ALCAM: variants seen among roughly 807,000 people sequenced by gnomAD.
ALCAM encodes activated leukocyte cell adhesion molecule.
ALCAM carries 30 observed loss-of-function variants against 70.9 expected under a neutral mutation model. That is an observed-to-expected ratio of 0.42 (90% CI 0.32 to 0.57). The LOEUF (loss-of-function observed/expected upper bound fraction) is 0.57. Among genes scored for constraint, ALCAM ranks in the 20% least tolerant of loss-of-function variants. The probability of loss-of-function intolerance (pLI) is 0.11; values close to 1 mark genes in which losing one functional copy is unlikely to be tolerated. For missense variants in ALCAM, 591 were observed against 695.1 expected (o/e 0.85, Z 1.68); for synonymous variants, 249 against 242.5 (o/e 1.03, Z -0.25).
intron 14 of ALCAM, among the ~76,000 whole-genome samples, chr3:105,555,720 T>G (rs1347802735): frequency 1.3e-5 from 2 of 149,574 alleles, no homozygotes; most frequent in East Asian, 1.9e-4. Flanking sequence ...CTTATTCCAC[T>G]AATAGAAGCT....
At chr3:105,491,082 G>A (rs996099337) in intron 1 of ALCAM, among the ~76,000 whole-genome samples, 20 of 152,128 alleles carry the variant, frequency 1.3e-4, no homozygotes, top group African/African-American at 4.6e-4. Flanking sequence ...CAAACCTCAC[G>A]TCTTGACTTC....
intron 1 of ALCAM, among the ~76,000 whole-genome samples, chr3:105,374,515 TGTTTTTG>T (rs1222613539): frequency 7.2e-5 from 11 of 152,144 alleles, no homozygotes; most frequent in Admixed American, 5.2e-4. Flanking sequence ...GCTTGTTTTT[TGTTTTTG>T]TTTTTGTTTT....
chr3:105,483,453 T>G (rs114415651), intron 1 of ALCAM, among the ~76,000 whole-genome samples: 2,368 of 152,146 alleles, frequency 0.016, 25 homozygotes, highest in Middle Eastern at 0.048. Context: ...GTGCCCAATT[T>G]TGTTGCTTGT....
intron 1 of ALCAM, among the ~76,000 whole-genome samples, chr3:105,371,069 T>G (rs1382555584): frequency 6.6e-6 from 1 of 152,194 alleles, no homozygotes; most frequent in African/African-American, 2.4e-5. Context: ...TATCTTGTCT[T>G]ACCAGATTCC....
chr3:105,486,645 G>T (rs913232994), intron 1 of ALCAM, among the ~76,000 whole-genome samples: 9 of 151,928 alleles, frequency 5.9e-5, no homozygotes, highest in Non-Finnish European at 1.2e-4. Flanking sequence ...AATTACACTG[G>T]TTTTTTACTA....
chr3:105,509,953 C>T (rs770400487), intron 1 of ALCAM, among the ~76,000 whole-genome samples: 55 of 151,926 alleles, frequency 3.6e-4, no homozygotes, highest in Non-Finnish European at 6.2e-4. Context: ...GGGATTTTTT[C>T]ATCACATCAG....
At position 105,490,429 on chromosome 3, in the gene ALCAM, A is replaced by G. The variant is rs184765649; in HGVS notation, c.74-29638A>G. On this transcript the variant is annotated intron_variant, in intron 1 of 15. Transcript: ENST00000306107. Reference sequence around the variant, plus strand: ...CTCTTAGCCTGTAGTACTTTTGAAAATAGAAGTAAAAGTATTGTTCTTTCT... The same window carrying G: ...CTCTTAGCCTGTAGTACTTTTGAAAGTAGAAGTAAAAGTATTGTTCTTTCT... 4.0e-4 allele frequency among the ~76,000 whole-genome samples: 61 copies of G among 152,324 alleles called. 1 individual carries two copies. The East Asian group carries it at 6.8e-3, about 17-fold the overall frequency.
At chr3:105,398,865 A>AT (rs965344230) in intron 1 of ALCAM, among the ~76,000 whole-genome samples, 1 of 151,992 alleles carries the variant, frequency 6.6e-6, no homozygotes, top group Non-Finnish European at 1.5e-5. Context: ...CAAGAAAAAA[A>AT]AAGTGTTCTA....
intron 1 of ALCAM, among the ~76,000 whole-genome samples, chr3:105,474,207 T>G (rs1271704194): frequency 1.3e-5 from 2 of 151,760 alleles, no homozygotes; most frequent in African/African-American, 4.8e-5. Context: ...ACAAGAATTT[T>G]GATGCTGTTC....
rs1939651386 is a variant in ALCAM at position 105,524,686 on chromosome 3, T to G, written c.394+178T>G. 2.3e-6 allele frequency: 3 copies of G among 1,330,874 alleles called. No individual in the cohort carries two copies. In the South Asian group the frequency reaches 7.3e-5, roughly 32 times the overall value. 82.4% of individuals were successfully genotyped at this position (1,330,874 alleles called of 1,614,324 possible). A position where few individuals can be genotyped will look rare whatever the true frequency, so the allele number is the denominator to read the frequency against. On this transcript the variant is annotated intron_variant, in intron 3 of 15. Coordinates refer to ENST00000306107, the MANE Select transcript of ALCAM (RefSeq NM_001627.4). ...CTATCAGCAAAGAAAACAAAGAGTA[T>G]GAAATTCAAATAGGAGATTTGCAGT...
At chr3:105,425,188 A>G (rs1412420718) in intron 1 of ALCAM, among the ~76,000 whole-genome samples, 1 of 151,818 alleles carries the variant, frequency 6.6e-6, no homozygotes, top group Non-Finnish European at 1.5e-5. Context: ...TTATTATTGA[A>G]TTCTTTTATA....
At chr3:105,502,418 T>G (rs1938945970) in intron 1 of ALCAM, among the ~76,000 whole-genome samples, 1 of 152,208 alleles carries the variant, frequency 6.6e-6, no homozygotes, top group Non-Finnish European at 1.5e-5. Context: ...AGAGTCCATG[T>G]TCTTCAGGGC....
chr3:105,374,516 G>GT (rs201761363), intron 1 of ALCAM, among the ~76,000 whole-genome samples: 170 of 151,498 alleles, frequency 1.1e-3, no homozygotes, highest in Middle Eastern at 6.8e-3. Flanking sequence ...CTTGTTTTTT[G>GT]TTTTTGTTTT....
Position 105,533,878 on chromosome 3 carries a change from A to C in ALCAM, c.547+188A>C, listed in dbSNP as rs76429826. Among the ~76,000 whole-genome samples, 579 of 152,200 alleles carry C rather than the reference A, an allele frequency of 3.8e-3. 1 individual carries two copies. The highest frequency in any genetic ancestry group is 0.013 in the African/African-American group (559 of 41,520). On this transcript the variant is annotated intron_variant, in intron 5 of 15. Transcript: ENST00000306107. The stretch of plus-strand genomic sequence containing the variant: ...AGGGTGATTCACAGGCATTAGGTTT[A>C]TTGTGTACTTTATTTCTATTATTAT...
intron 1 of ALCAM, among the ~76,000 whole-genome samples, chr3:105,500,176 T>G (rs2152615607): frequency 6.6e-6 from 1 of 151,868 alleles, no homozygotes; most frequent in Middle Eastern, 3.4e-3. Flanking sequence ...TCCACATTAT[T>G]TCACAATACA....
intron 4 of ALCAM, 78 bp downstream of exon 4, chr3:105,532,144 A>C (rs759991624): frequency 2.0e-4 from 248 of 1,221,440 alleles, no homozygotes; most frequent in Non-Finnish European, 2.8e-4. Context: ...TTCCAAGACA[A>C]GTAAGAAAGG....
chr3:105,461,206 A>G (rs1475427470), intron 1 of ALCAM, among the ~76,000 whole-genome samples: 1 of 151,864 alleles, frequency 6.6e-6, no homozygotes. Flanking sequence ...GCTCTGGTTG[A>G]TTACTGCCAA....
intron 1 of ALCAM, among the ~76,000 whole-genome samples, chr3:105,445,278 C>A (rs1410534327): frequency 6.6e-6 from 1 of 151,940 alleles, no homozygotes; most frequent in African/African-American, 2.4e-5. Context: ...GATTACTACA[C>A]TGAGAGATCA....
At chr3:105,547,967 C>G (rs1227358795) in intron 11 of ALCAM, among the ~76,000 whole-genome samples, 2 of 151,366 alleles carry the variant, frequency 1.3e-5, no homozygotes, top group Admixed American at 1.3e-4. Context: ...AAAACTATGT[C>G]CTCGTGTAGG....
Sources: gnomAD v4.1 joint callset for allele counts (sites outside exome capture counted in the v4.1 genomes callset) on GRCh38, gnomAD v4.1.1 for gene constraint, MANE v1.5 for transcripts, NCBI Gene and HGNC (gene_info 2026-07-23, HGNC 2026-07-21) for gene names.